Variants in CACNA2D2 observed in about 807,000 individuals in gnomAD.
CACNA2D2 encodes the protein voltage-dependent calcium channel subunit alpha-2/delta-2.
In CACNA2D2, 48 loss-of-function variants were observed where a neutral mutation model predicts 166.4. That is an observed-to-expected ratio of 0.29 (90% CI 0.23 to 0.37). The LOEUF is 0.37. CACNA2D2 is among the 10% of genes least tolerant of loss of function. CACNA2D2 has a pLI of 1.00. For missense variants in CACNA2D2, 1,122 were observed against 1,433.0 expected (o/e 0.78, Z 3.50); for synonymous variants, 561 against 573.7 (o/e 0.98, Z 0.32).
At chr3:50,486,588 G>C (rs916728908) in intron 1 of CACNA2D2, among the ~76,000 whole-genome samples, 4 of 152,160 alleles carry the variant, frequency 2.6e-5, no homozygotes, top group African/African-American at 9.7e-5. Flanking sequence ...GCCAAGCGAA[G>C]ACAGAACTCA....
chr3:50,396,954 C>A (rs981174939), intron 3 of CACNA2D2, among the ~76,000 whole-genome samples: 1 of 152,192 alleles, frequency 6.6e-6, no homozygotes, highest in African/African-American at 2.4e-5. Flanking sequence ...GTGGGAGTCT[C>A]CAGGCTGGGC....
At position 50,492,226 on chromosome 3, in the gene CACNA2D2, C is replaced by T. The variant is rs571336933; in HGVS notation, c.206+10992G>A. ...TGGCCCTCTAAGGCCAGGTCAGCTG[C>T]GCTGTTTCACAGCAGCAGGACATGC... is the stretch of plus-strand genomic sequence containing the variant. On this transcript the variant is annotated intron_variant, in intron 1 of 37. Coordinates refer to ENST00000424201, the MANE Select transcript of CACNA2D2 (RefSeq NM_006030.4). 1.6e-3 allele frequency among the ~76,000 whole-genome samples: 250 copies of T among 152,374 alleles called. 1 individual carries two copies. Among genetic ancestry groups the T allele is most frequent in the African/African-American group, 5.7e-3 (238 of 41,590 alleles).
chr3:50,392,125 G>A (rs1259101468), intron 4 of CACNA2D2, among the ~76,000 whole-genome samples: 1 of 152,134 alleles, frequency 6.6e-6, no homozygotes, highest in Non-Finnish European at 1.5e-5. Flanking sequence ...TCTCCTGAAG[G>A]TCATTGGAAG....
At chr3:50,479,823 T>C (rs951303993) in intron 1 of CACNA2D2, among the ~76,000 whole-genome samples, 2 of 152,162 alleles carry the variant, frequency 1.3e-5, no homozygotes, top group African/African-American at 4.8e-5. Flanking sequence ...GACCAGACAA[T>C]GTTGCCCACA....
chr3:50,452,338 C>T (rs1462274027), intron 2 of CACNA2D2, among the ~76,000 whole-genome samples: 1 of 152,232 alleles, frequency 6.6e-6, no homozygotes, highest in Non-Finnish European at 1.5e-5. Flanking sequence ...CTGCACATGA[C>T]CTCCATCTCA....
chr3:50,455,524 T>G (rs903230984), intron 2 of CACNA2D2, among the ~76,000 whole-genome samples: 17 of 152,254 alleles, frequency 1.1e-4, no homozygotes, highest in Non-Finnish European at 2.2e-4. Context: ...TGCACGGTTA[T>G]GCAAGACAAG....
chr3:50,413,795 C>T (rs970554745), intron 3 of CACNA2D2, among the ~76,000 whole-genome samples: 5 of 152,042 alleles, frequency 3.3e-5, no homozygotes, highest in Admixed American at 2.0e-4. Context: ...TGCAGTGAGC[C>T]GAGACCGTGC....
intron 2 of CACNA2D2, among the ~76,000 whole-genome samples, chr3:50,475,474 T>A (rs1355121489): frequency 1.3e-5 from 2 of 152,018 alleles, no homozygotes; most frequent in East Asian, 1.9e-4. Context: ...CCTCCCAGCC[T>A]CTGCATCTCC....
intron 4 of CACNA2D2, among the ~76,000 whole-genome samples, chr3:50,392,279 C>T (rs555764771): frequency 2.0e-5 from 3 of 152,344 alleles, no homozygotes; most frequent in African/African-American, 7.2e-5. Context: ...CCGAGCATAG[C>T]TGGCTGGTGT....
chr3:50,364,803 C>T lies in CACNA2D2; in HGVS notation c.3295G>A (p.Asp1099Asn). 6.2e-7 allele frequency: 1 copy of T among 1,611,586 alleles called. No individual in the cohort carries two copies. The highest frequency in any genetic ancestry group is 8.5e-7 in the Non-Finnish European group (1 of 1,179,188). ...GCCCCGCGGCCACAGTCTGAGGTATCTTCCTGCGGGGAGAGACAAGGAGCT... is the reference window on the plus strand; with the variant it reads ...GCCCCGCGGCCACAGTCTGAGGTATTTTCCTGCGGGGAGAGACAAGGAGCT... Reference protein sequence around the residue: ...HICFDYNATEDTSDCGRGASF... With the variant: ...HICFDYNATENTSDCGRGASF... The change falls in exon 38 of 38, where the codon GAT becomes AAT. Residue 1099 changes from aspartate to asparagine, a missense_variant. Asp to Asn is a conservative substitution (Grantham distance 23, BLOSUM62 1). Coordinates refer to ENST00000424201, the MANE Select transcript of CACNA2D2 (RefSeq NM_006030.4).
At chr3:50,432,284 G>A (rs1434175173) in intron 3 of CACNA2D2, among the ~76,000 whole-genome samples, 1 of 152,198 alleles carries the variant, frequency 6.6e-6, no homozygotes, top group Non-Finnish European at 1.5e-5. Context: ...TGGGCTCCAC[G>A]CATGGAGGGT....
Position 50,366,324 on chromosome 3 carries a change from G to A in CACNA2D2, c.2652C>T (p.Val884=), listed in dbSNP as rs746961060. 6.2e-7 allele frequency: 1 copy of A among 1,614,082 alleles called. No individual in the cohort carries two copies. The highest frequency in any genetic ancestry group is 8.5e-7 in the Non-Finnish European group (1 of 1,180,004). ...CCAGGAATCCTCCATCATCAATGAG[G>A]ACACAGAGTAAGTCCTAGGAGGAAG... ...CEVNNEDLLC[V]LIDDGGFLVL... Residue 884 remains valine (V), a synonymous_variant, in exon 31 of 38, where the codon GTC becomes GTT. Transcript: ENST00000424201. The surrounding 1 kb of genome is among the most constrained non-coding windows in gnomAD (Gnocchi z 5.9).
intron 2 of CACNA2D2, among the ~76,000 whole-genome samples, chr3:50,475,429 C>G (rs374380337): frequency 1.3e-5 from 2 of 152,160 alleles, no homozygotes; most frequent in African/African-American, 4.8e-5. Flanking sequence ...GCACGTACCC[C>G]GAGAGTCGTA....
intron 3 of CACNA2D2, among the ~76,000 whole-genome samples, chr3:50,420,806 GTCCTGGCCCCCTCACCCCTTCC>G (rs1158031686): frequency 2.0e-5 from 3 of 152,186 alleles, no homozygotes; most frequent in Non-Finnish European, 4.4e-5. Context: ...CAATGCTGGC[GTCCTGGCCCCCTCACCCCTTCC>G]TCCTTGCCCC....
chr3:50,428,534 G>A (rs150277696), intron 3 of CACNA2D2, among the ~76,000 whole-genome samples: 149 of 152,324 alleles, frequency 9.8e-4, no homozygotes, highest in African/African-American at 3.2e-3. Flanking sequence ...AAAGCAGGGC[G>A]GCTGTGTGCA....
chr3:50,474,958 T>C (rs1372287830), intron 2 of CACNA2D2, among the ~76,000 whole-genome samples: 1 of 152,084 alleles, frequency 6.6e-6, no homozygotes, highest in Non-Finnish European at 1.5e-5. Flanking sequence ...AAAGGGGTGT[T>C]TAGTGTCGCT....
At chr3:50,386,422 G>A (rs781562534) in intron 5 of CACNA2D2, among the ~76,000 whole-genome samples, 4 of 152,232 alleles carry the variant, frequency 2.6e-5, no homozygotes, top group Non-Finnish European at 5.9e-5. Flanking sequence ...ATTACAGCCC[G>A]CTGCTGAGGG....
chr3:50,483,703 C>G (rs1698157359), intron 1 of CACNA2D2, among the ~76,000 whole-genome samples: 1 of 152,200 alleles, frequency 6.6e-6, no homozygotes, highest in African/African-American at 2.4e-5. Context: ...GCTTCTTGGC[C>G]TCTGCGGGTC....
chr3:50,501,468 G>C (rs540332044), intron 1 of CACNA2D2, among the ~76,000 whole-genome samples: 1 of 139,894 alleles, frequency 7.1e-6, no homozygotes, highest in East Asian at 2.2e-4. Context: ...CGACAACAGC[G>C]TCCAGCTGGA....
Sources: allele counts gnomAD v4.1 joint callset (sites outside exome capture counted in the v4.1 genomes callset), GRCh38; gene constraint gnomAD v4.1.1; non-coding constraint Gnocchi (gnomAD v3.1); transcripts MANE v1.5; gene names NCBI Gene and HGNC (gene_info 2026-07-23, HGNC 2026-07-21).